Variants in DIDO1 observed in about 807,000 individuals in gnomAD.
DIDO1 encodes the protein death-inducer obliterator 1.
Under a neutral mutation model 99.4 loss-of-function variants are expected in DIDO1, and 16 were observed. The observed-to-expected ratio is 0.16, with a 90% CI of 0.11 to 0.24. The LOEUF (loss-of-function observed/expected upper bound fraction) is 0.24, where lower values mean the gene tolerates loss of function less well. Ranked by LOEUF, DIDO1 falls within the 10% of genes least tolerant of loss-of-function variation. The probability of loss-of-function intolerance (pLI) is 1.00; values close to 1 mark genes in which losing one functional copy is unlikely to be tolerated. For synonymous variants in DIDO1, 1,366 were observed against 1,239.1 expected (o/e 1.10, Z -2.15); for missense variants, 2,996 against 3,014.0 (o/e 0.99, Z 0.14).
intron 15 of DIDO1, chr20:62,889,615 G>T: frequency 1.0e-6 from 1 of 985,442 alleles, no homozygotes; most frequent in South Asian, 4.7e-5. Context: ...GGAGAGGCCA[G>T]CTTCTCGGTC....
chr20:62,933,154 T>C (rs1291628479), intron 1 of DIDO1, among the ~76,000 whole-genome samples: 1 of 152,194 alleles, frequency 6.6e-6, no homozygotes, highest in East Asian at 1.9e-4. Context: ...GAGGTTGCAG[T>C]GAGCCAAGAT....
intron 1 of DIDO1, among the ~76,000 whole-genome samples, chr20:62,917,780 C>A (rs763193232): frequency 8.5e-5 from 13 of 152,218 alleles, no homozygotes; most frequent in Non-Finnish European, 1.6e-4. Flanking sequence ...ACATTCGGTG[C>A]CCATGCACGG....
At position 62,879,772 on chromosome 20, in the gene DIDO1, C is replaced by T. The variant is rs753441101; in HGVS notation, c.6184G>A (p.Asp2062Asn). Residue 2062 changes from aspartate to asparagine, a missense_variant, in exon 16 of 16, where the codon GAC (aspartate) becomes AAC (asparagine). Physicochemically the swap from Asp to Asn is conservative, Grantham distance 23. Coordinates refer to ENST00000395343, the MANE Select transcript of DIDO1 (RefSeq NM_001193369.2). This position sits in a 1 kb window ranked among gnomAD's most constrained non-coding sequence, Gnocchi z 6.3. ...AAGTCGGCCGATGCCCACTGTCCGTCGGCCTCGGGGCCCTGTCCGGGCGCA... is the reference window on the plus strand; with the variant it reads ...AAGTCGGCCGATGCCCACTGTCCGTTGGCCTCGGGGCCCTGTCCGGGCGCA... ...SSAPGQGPEA[D>N]GQWASADFRE... 3.1e-6 allele frequency: 5 copies of T among 1,611,554 alleles called. No individual in the cohort carries two copies. The highest frequency in any genetic ancestry group is 1.3e-5 in the African/African-American group (1 of 74,918).
intron 5 of DIDO1, among the ~76,000 whole-genome samples, 177 bp downstream of exon 5, chr20:62,906,970 C>A (rs2064820506): frequency 6.6e-6 from 1 of 152,238 alleles, no homozygotes; most frequent in South Asian, 2.1e-4. Context: ...AACCCCTCAG[C>A]TAACGGGCAG....
At chr20:62,922,111 CACACACACACACACATATATACATATAT>C (rs1376461160) in intron 1 of DIDO1, among the ~76,000 whole-genome samples, 6 of 50,326 alleles carry the variant, frequency 1.2e-4, no homozygotes, top group African/African-American at 4.7e-4. Context: ...TATATATATA[CACACACACACACACATATATACATATAT>C]ACACACACAC....
In DIDO1 at chr20:62,911,997, C is replaced by T. The variant is rs1453384014; in HGVS notation, c.-2-383G>A. ...GGACGCGAGCAGCTCGGAGGTGGCA[C>T]GAGCTCCCCAGCACCTCCGCAGGCA... On this transcript the variant is annotated intron_variant, in intron 2 of 15. Coordinates refer to ENST00000395343, the MANE Select transcript of DIDO1 (RefSeq NM_001193369.2). This position sits in a 1 kb window ranked among gnomAD's most constrained non-coding sequence, Gnocchi z 7.0. 1.3e-5 allele frequency among the ~76,000 whole-genome samples: 2 copies of T among 152,176 alleles called. No individual in the cohort carries two copies. The highest frequency in any genetic ancestry group is 2.9e-5 in the Non-Finnish European group (2 of 68,032).
chr20:62,895,876 G>A (rs1043789711), intron 8 of DIDO1, among the ~76,000 whole-genome samples: 8 of 152,198 alleles, frequency 5.3e-5, no homozygotes, highest in Admixed American at 6.5e-5. Flanking sequence ...GTCTGAGGCC[G>A]GAATACGGAC....
At chr20:62,934,015 T>C (rs2065356957) in intron 1 of DIDO1, among the ~76,000 whole-genome samples, 1 of 152,224 alleles carries the variant, frequency 6.6e-6, no homozygotes, top group Non-Finnish European at 1.5e-5. Flanking sequence ...CTCAGCTGAC[T>C]GTAAGGGCCA....
chr20:62,895,243 T>C (rs2147409410), intron 8 of DIDO1, 78 bp from the exon 9 acceptor site: 3 of 1,362,182 alleles, frequency 2.2e-6, no homozygotes, highest in East Asian at 4.6e-5. Flanking sequence ...AAAACACAGC[T>C]GCCCAGAAGT....
intron 1 of DIDO1, among the ~76,000 whole-genome samples, chr20:62,924,269 G>A (rs1181546900): frequency 9.5e-6 from 1 of 105,274 alleles, no homozygotes; most frequent in Non-Finnish European, 1.8e-5. Context: ...GTGGTCTTCT[G>A]AGCCTGCCAG....
At chr20:62,888,485 G>C (rs3746768) in intron 15 of DIDO1, 4 of 985,378 alleles carry the variant, frequency 4.1e-6, no homozygotes, top group East Asian at 2.3e-4. Context: ...CAGCACTTCT[G>C]GGGGCGTGAC....
chr20:62,921,066 T>G (rs545910143), intron 1 of DIDO1, among the ~76,000 whole-genome samples: 8 of 152,218 alleles, frequency 5.3e-5, no homozygotes, highest in South Asian at 2.1e-4. Context: ...GTTATTTTTT[T>G]TGTGTCTTTA....
intron 1 of DIDO1, among the ~76,000 whole-genome samples, chr20:62,924,047 A>G (rs2065207233): frequency 6.6e-6 from 1 of 152,272 alleles, no homozygotes; most frequent in Non-Finnish European, 1.5e-5. Context: ...GTACACGTAC[A>G]TGAAATGAGC....
Position 62,889,381 on chromosome 20 carries a change from C to G in DIDO1, c.3541+1579G>C, listed in dbSNP as rs894846216. 6.1e-6 allele frequency: 6 copies of G among 985,346 alleles called. No homozygotes were observed. The African/African-American group carries it at 1.0e-4, about 17-fold the overall frequency. The allele number at this position is 985,346 out of a possible 1,614,324, so 61.0% of individuals were successfully genotyped here. A position where few individuals can be genotyped will look rare whatever the true frequency, so the allele number is the denominator to read the frequency against. ...CTCAACACCCTACAACCGTGCTCACCTGACAGCTCCAAGTTTGGAGATGAG... is the reference window on the plus strand; with the variant it reads ...CTCAACACCCTACAACCGTGCTCACGTGACAGCTCCAAGTTTGGAGATGAG... On this transcript the variant is annotated intron_variant, in intron 15 of 15. Transcript: ENST00000395343.
intron 15 of DIDO1, chr20:62,889,902 C>T: frequency 1.0e-6 from 1 of 985,464 alleles, no homozygotes; most frequent in Non-Finnish European, 1.2e-6. Context: ...AATTCCACAA[C>T]ACAGGCATAG....
At chr20:62,889,438 T>C in intron 15 of DIDO1, 1 of 985,422 alleles carries the variant, frequency 1.0e-6, no homozygotes, top group Non-Finnish European at 1.2e-6. Context: ...GGATGAAATA[T>C]CGCCTCAATT....
intron 13 of DIDO1, 56 bp from the exon 14 acceptor site, chr20:62,892,132 C>A: frequency 6.8e-7 from 1 of 1,479,738 alleles, no homozygotes; most frequent in South Asian, 1.2e-5. Flanking sequence ...CACAGAAAGA[C>A]GAATGCAGCC....
rs1386215252 is a variant in DIDO1, at chr20:62,896,259, A to G, written c.2188T>C (p.Phe730Leu). 6.2e-7 allele frequency: 1 copy of G among 1,613,902 alleles called. No homozygotes were observed. The change falls in exon 8 of 16, where the codon TTC (phenylalanine) becomes CTC (leucine). Residue 730 changes from phenylalanine (F) to leucine (L), a missense_variant. Coordinates refer to ENST00000395343, the MANE Select transcript of DIDO1 (RefSeq NM_001193369.2). This position sits in a 1 kb window ranked among gnomAD's most constrained non-coding sequence, Gnocchi z 4.4. ...RYKSKYRSIM[F>L]NLKDPKNQGL... is the part of the protein sequence containing the mutation. Reference sequence around the variant, plus strand: ...TGATTTTTAGGGTCCTTCAGGTTGAACATGATGCTGCGATATTTACTCTTG... The same window carrying G: ...TGATTTTTAGGGTCCTTCAGGTTGAGCATGATGCTGCGATATTTACTCTTG...
chr20:62,900,024 C>T (rs2064629514), intron 6 of DIDO1, among the ~76,000 whole-genome samples: 1 of 152,212 alleles, frequency 6.6e-6, no homozygotes, highest in African/African-American at 2.4e-5. Context: ...CAGAGAAGGG[C>T]AAGCAGCAAC....
Sources: allele counts gnomAD v4.1 joint callset (sites outside exome capture counted in the v4.1 genomes callset), GRCh38; gene constraint gnomAD v4.1.1; non-coding constraint Gnocchi (gnomAD v3.1); transcripts MANE v1.5; gene names NCBI Gene and HGNC (gene_info 2026-07-23, HGNC 2026-07-21).